TRMT9B: variants seen among roughly 807,000 people sequenced by gnomAD.
TRMT9B encodes the protein tRNA methyltransferase 9B (putative), also known as probable tRNA methyltransferase 9B.
TRMT9B carries 16 observed loss-of-function variants against 11.5 expected under a neutral mutation model. That is an observed-to-expected ratio of 1.39 (90% CI 0.94 to 2.11). The LOEUF is 2.11. TRMT9B is among the 30% of genes most tolerant of loss of function. The pLI, the probability that TRMT9B is intolerant of heterozygous loss-of-function variation, is 0.00. For synonymous variants in TRMT9B, 274 were observed against 192.4 expected (o/e 1.42, Z -3.51); for missense variants, 941 against 553.8 (o/e 1.70, Z -7.02).
chr8:12,988,375 A>G (rs1806702025), intron 1 of TRMT9B, among the ~76,000 whole-genome samples: 1 of 152,192 alleles, frequency 6.6e-6, no homozygotes, highest in Non-Finnish European at 1.5e-5. Context: ...CAATAACACA[A>G]AATGATTATT....
intron 1 of TRMT9B, among the ~76,000 whole-genome samples, chr8:12,969,488 A>G (rs74764671): frequency 0.023 from 3,466 of 152,308 alleles, 63 homozygotes; most frequent in Admixed American, 0.038. Flanking sequence ...ACAAAAGGGC[A>G]TAGTATTTGC....
chr8:13,017,673 G>T (rs1330001209), intron 4 of TRMT9B, among the ~76,000 whole-genome samples: 1 of 142,700 alleles, frequency 7.0e-6, no homozygotes, highest in Non-Finnish European at 1.5e-5. Context: ...GAGTACAGTG[G>T]CATGATCTTG....
At position 13,021,347 on chromosome 8, in the gene TRMT9B, GA is replaced by G. The variant is rs1198513576; in HGVS notation, c.670del (p.Thr224ProfsTer20). 6.2e-7 allele frequency: 1 copy of G among 1,613,946 alleles called. No homozygotes were observed. The highest frequency in any genetic ancestry group is 1.3e-5 in the African/African-American group (1 of 74,956). On this transcript the variant is annotated frameshift_variant, in exon 5 of 5. Transcript: ENST00000524591. LOFTEE classifies it low-confidence loss of function (END_TRUNC). ...GTGGGCTATGAACCTGCTATGGCAA[GA>G]ACCTGTTTTGCAAATATTTCTAAGG... ...HSVGYEPAMA[R>X]TCFANISKEG...
At position 13,022,190 on chromosome 8, in the gene TRMT9B, G is replaced by T. The variant is rs1585439599; in HGVS notation, c.*146G>T. On this transcript the variant is annotated 3_prime_UTR_variant, in exon 5 of 5. Transcript: ENST00000524591. Reference sequence around the variant, plus strand: ...AGACTATTAATTATTTGGTTGTTTTGTTTTCATTTTTGAATAAGCACAGAT... The same window carrying T: ...AGACTATTAATTATTTGGTTGTTTTTTTTTCATTTTTGAATAAGCACAGAT... 1 of 591,280 alleles carries T rather than the reference G, an allele frequency of 1.7e-6. No individual in the cohort carries two copies. The highest frequency in any genetic ancestry group is 2.9e-5 in the South Asian group (1 of 34,084). 36.6% of individuals were successfully genotyped at this position (591,280 alleles called of 1,614,324 possible). A position where few individuals can be genotyped will look rare whatever the true frequency, so the allele number is the denominator to read the frequency against.
intron 1 of TRMT9B, among the ~76,000 whole-genome samples, chr8:12,978,802 G>A (rs187779391): frequency 2.6e-5 from 4 of 152,248 alleles, no homozygotes; most frequent in Admixed American, 6.5e-5. Context: ...GCATTCAGTC[G>A]CCCAGGTTGG....
chr8:13,012,147 T>C, intron 3 of TRMT9B: 1 of 985,650 alleles, frequency 1.0e-6, no homozygotes, highest in Non-Finnish European at 1.2e-6. Flanking sequence ...TCATTAAATA[T>C]TCAATAAATG....
intron 2 of TRMT9B, among the ~76,000 whole-genome samples, chr8:13,001,107 A>G (rs942312328): frequency 6.6e-6 from 1 of 152,202 alleles, no homozygotes; most frequent in African/African-American, 2.4e-5. Context: ...CTTTCCCTAC[A>G]GCTACATTTA....
At chr8:12,984,454 C>G (rs1295752311) in intron 1 of TRMT9B, among the ~76,000 whole-genome samples, 1 of 152,258 alleles carries the variant, frequency 6.6e-6, no homozygotes, top group Middle Eastern at 3.4e-3. Flanking sequence ...AAACCATGAT[C>G]TTCATTTAAA....
At chr8:12,971,283 T>C (rs1323641479) in intron 1 of TRMT9B, among the ~76,000 whole-genome samples, 1 of 152,206 alleles carries the variant, frequency 6.6e-6, no homozygotes, top group Non-Finnish European at 1.5e-5. Flanking sequence ...CATTTTGATA[T>C]TTCTTTATTT....
intron 3 of TRMT9B, chr8:13,010,385 A>C (rs1811373267): frequency 2.2e-5 from 22 of 981,902 alleles, no homozygotes; most frequent in Non-Finnish European, 2.7e-5. Flanking sequence ...AGGAGAAGAA[A>C]AGACAGATGG....
At chr8:13,012,262 C>G in intron 3 of TRMT9B, 8 of 985,802 alleles carry the variant, frequency 8.1e-6, no homozygotes, top group Non-Finnish European at 9.6e-6. Context: ...ATGTTGTATT[C>G]TGTCTTGGTT....
At chr8:12,987,691 TCAA>T (rs1806571050) in intron 1 of TRMT9B, among the ~76,000 whole-genome samples, 1 of 27,194 alleles carries the variant, frequency 3.7e-5, no homozygotes. Context: ...ATACCCTGTC[TCAA>T]AAAAAAAAAT....
intron 1 of TRMT9B, among the ~76,000 whole-genome samples, chr8:12,982,867 C>G (rs1015727271): frequency 4.6e-5 from 7 of 152,174 alleles, no homozygotes; most frequent in African/African-American, 1.4e-4. Flanking sequence ...ATTTCTTCAG[C>G]TTCTCCAAGG....
chr8:12,972,090 A>T (rs573887798), intron 1 of TRMT9B, among the ~76,000 whole-genome samples: 1 of 152,230 alleles, frequency 6.6e-6, no homozygotes, highest in Non-Finnish European at 1.5e-5. Context: ...AGTTATGTTA[A>T]CAGAGAAAAT....
At chr8:12,997,103 T>C (rs1246052726) in intron 2 of TRMT9B, among the ~76,000 whole-genome samples, 3 of 152,130 alleles carry the variant, frequency 2.0e-5, no homozygotes, top group Admixed American at 2.0e-4. Flanking sequence ...TCCCTTTTAA[T>C]ATGATATTTG....
intron 1 of TRMT9B, among the ~76,000 whole-genome samples, chr8:12,962,470 C>T (rs767063117): frequency 6.6e-6 from 1 of 151,654 alleles, no homozygotes; most frequent in African/African-American, 2.4e-5. Context: ...TGTGTTCTGG[C>T]TTAAATTTTT....
At position 13,021,148 on chromosome 8, in the gene TRMT9B, C is replaced by G. The variant is rs759403284; in HGVS notation, c.469C>G (p.Leu157Val). Residue 157 changes from leucine to valine, a missense_variant, in exon 5 of 5, where the codon CTT becomes GTT. Physicochemically the swap from Leu to Val is conservative, Grantham distance 32 (BLOSUM62 1). Coordinates refer to ENST00000524591, the MANE Select transcript of TRMT9B (RefSeq NM_020844.3). The stretch of plus-strand genomic sequence containing the variant: ...CCGTCACTTTGAGAAGCAAGACGTG[C>G]TTGTTCCATGGAACAGGGCTCTGTG... ...KNRHFEKQDV[L>V]VPWNRALCSQ... 1 of 1,613,896 alleles carries G rather than the reference C, an allele frequency of 6.2e-7. No homozygotes were observed. Among genetic ancestry groups the G allele is most frequent in the Admixed American group, 1.7e-5 (1 of 59,998 alleles).
chr8:12,984,888 A>G (rs995216090), intron 1 of TRMT9B, among the ~76,000 whole-genome samples: 4 of 151,720 alleles, frequency 2.6e-5, no homozygotes, highest in African/African-American at 7.3e-5. Context: ...CTCATGACCA[A>G]TATTAAGCTG....
intron 1 of TRMT9B, among the ~76,000 whole-genome samples, chr8:12,974,049 T>C (rs974914605): frequency 1.4e-4 from 21 of 152,020 alleles, no homozygotes; most frequent in Non-Finnish European, 2.9e-4. Context: ...CAAGCACTTG[T>C]AGTCCCAGCT....
Sources: gnomAD v4.1 joint callset for allele counts (sites outside exome capture counted in the v4.1 genomes callset) on GRCh38, gnomAD v4.1.1 for gene constraint, MANE v1.5 for transcripts, NCBI Gene and HGNC (gene_info 2026-07-23, HGNC 2026-07-21) for gene names.